MX1: variants seen among roughly 807,000 people sequenced by gnomAD.
The protein encoded by MX1 is MX dynamin like GTPase 1.
In MX1, 66 loss-of-function variants were observed where a neutral mutation model predicts 66.4. The ratio of observed to expected loss-of-function variants is 0.99; its 90% CI spans 0.82 to 1.22. The LOEUF (loss-of-function observed/expected upper bound fraction) is 1.22. Among genes scored for constraint, MX1 ranks in the 50% most tolerant of loss-of-function variants. The pLI, the probability that MX1 is intolerant of heterozygous loss-of-function variation, is 0.00. For synonymous variants in MX1, 311 were observed against 318.1 expected (o/e 0.98, Z 0.24); for missense variants, 787 against 834.3 (o/e 0.94, Z 0.70).
chr21:41,456,162 C>T (rs532204955), intron 16 of MX1, among the ~76,000 whole-genome samples: 8 of 152,202 alleles, frequency 5.3e-5, no homozygotes, highest in South Asian at 4.1e-4. Context: ...GAGAATTGCT[C>T]GAACCTGGGA....
Position 41,451,231 on chromosome 21 carries a change from CA to C in MX1, c.1498del (p.Arg500GlufsTer21), listed in dbSNP as rs1015386861. The C allele has an allele frequency of 6.2e-7, 1 of 1,606,792 alleles. No individual in the cohort carries two copies. The highest frequency in any genetic ancestry group is 8.5e-7 in the Non-Finnish European group (1 of 1,174,936). Reference protein sequence around the residue: ...KNFEEFFNLHRTAKSKIEDIR... With the variant: ...KNFEEFFNLHXTAKSKIEDIR... ...ATTTTGAAGAGTTTTTTAACCTCCA[CA>C]GAACCGCCAAGGTAAAACCAACCAT... is the stretch of plus-strand genomic sequence containing the variant. On this transcript the variant is annotated frameshift_variant, in exon 15 of 17. Transcript: ENST00000398598. LOFTEE classifies it high-confidence loss of function.
intron 13 of MX1, among the ~76,000 whole-genome samples, chr21:41,448,036 T>C (rs2090713423): frequency 6.6e-6 from 1 of 152,222 alleles, no homozygotes. Context: ...GCCTGAACCA[T>C]ATATTTTTAA....
intron 14 of MX1, 101 bp downstream of exon 14, chr21:41,449,396 C>A: frequency 8.2e-7 from 1 of 1,221,264 alleles, no homozygotes; most frequent in African/African-American, 1.5e-5. Context: ...TGGGGTGCAT[C>A]CCACACCAAC....
chr21:41,428,344 A>G (rs1223046542), intron 3 of MX1: 1 of 151,942 alleles, frequency 6.6e-6, no homozygotes, highest in Non-Finnish European at 1.5e-5. Flanking sequence ...ATTCACACAC[A>G]CAATTGAGCA....
At chr21:41,442,006 AGTGT>A (rs10693544) in intron 10 of MX1, 92 bp downstream of exon 10, 158 of 908,862 alleles carry the variant, frequency 1.7e-4, no homozygotes, top group African/African-American at 9.2e-4. Context: ...AGATGTGTGG[AGTGT>A]GTGTGTGTGT....
chr21:41,441,641 G>T lies in MX1; in HGVS notation c.731-75G>T. 6.7e-7 allele frequency: 1 copy of T among 1,488,210 alleles called. No individual in the cohort carries two copies. Among genetic ancestry groups the T allele is most frequent in the Non-Finnish European group, 9.4e-7 (1 of 1,067,362 alleles). The allele number at this position is 1,488,210 out of a possible 1,614,324, so 92.2% of individuals were successfully genotyped here. A position where few individuals can be genotyped will look rare whatever the true frequency, so the allele number is the denominator to read the frequency against. ...ATGGGAGGAAACCCTGGGAGGCCGG[G>T]GGCGTGAGCAGTTGTTCGTTCACCT... On this transcript the variant is annotated intron_variant, in intron 9 of 16. Coordinates refer to ENST00000398598, the MANE Select transcript of MX1 (RefSeq NM_002462.5). This position sits in a 1 kb window ranked among gnomAD's most constrained non-coding sequence, Gnocchi z 4.0.
At position 41,447,865 on chromosome 21, in the gene MX1, C is replaced by G. The variant is rs933769161; in HGVS notation, c.1274-1272C>G. ...ATTCTCCTGCTTCAGCCTCCACCTC[C>G]CTAGTAGCTGGGATTATAGGCACCT... is the stretch of plus-strand genomic sequence containing the variant. On this transcript the variant is annotated intron_variant, in intron 13 of 16. Coordinates refer to ENST00000398598, the MANE Select transcript of MX1 (RefSeq NM_002462.5). Among the ~76,000 whole-genome samples the G allele has an allele frequency of 7.9e-5, 12 of 152,208 alleles. No homozygotes were observed. In the South Asian group the frequency reaches 8.3e-4, roughly 11 times the overall value.
chr21:41,438,851 T>C (rs2090431579), intron 7 of MX1, among the ~76,000 whole-genome samples: 1 of 152,208 alleles, frequency 6.6e-6, no homozygotes, highest in Non-Finnish European at 1.5e-5. Flanking sequence ...CCAAGATTTA[T>C]TCTTCTCCCA....
At chr21:41,436,180 A>G in intron 6 of MX1, 151 bp downstream of exon 6, 1 of 923,886 alleles carries the variant, frequency 1.1e-6, no homozygotes, top group Non-Finnish European at 1.6e-6. Flanking sequence ...GCCTTTCTCC[A>G]TGGCTTGCAG....
chr21:41,441,259 G>T lies in MX1; in HGVS notation c.730+234G>T. 1 of 563,252 alleles carries T rather than the reference G, an allele frequency of 1.8e-6. No homozygotes were observed. Among genetic ancestry groups the T allele is most frequent in the Non-Finnish European group, 3.0e-6 (1 of 328,848 alleles). 34.9% of individuals were successfully genotyped at this position (563,252 alleles called of 1,614,324 possible). On this transcript the variant is annotated intron_variant, in intron 9 of 16. Transcript: ENST00000398598. This position sits in a 1 kb window ranked among gnomAD's most constrained non-coding sequence, Gnocchi z 4.0. ...TCCACTAAGACCTGCTAAGGGAGCA[G>T]GTTTGGTGCCCACCAAGGCCAAGTG...
At position 41,440,914 on chromosome 21, in the gene MX1, C is replaced by G. The variant is rs952842656; in HGVS notation, c.619C>G (p.Gln207Glu). 6.2e-7 allele frequency: 1 copy of G among 1,614,220 alleles called. No homozygotes were observed. Among genetic ancestry groups the G allele is most frequent in the African/African-American group, 1.3e-5 (1 of 75,064 alleles). Reference sequence around the variant, plus strand: ...CAAGACACTCATCAAGAAGTACATCCAGAGGCAGGAGACAATCAGCCTGGT... The same window carrying G: ...CAAGACACTCATCAAGAAGTACATCGAGAGGCAGGAGACAATCAGCCTGGT... ...KIKTLIKKYI[Q>E]RQETISLVVV... The change falls in exon 9 of 17, where the codon CAG becomes GAG. Residue 207 changes from glutamine to glutamate, a missense_variant. By Grantham distance (29) the Gln-to-Glu change is conservative. Transcript: ENST00000398598.
At chr21:41,437,468 G>A (rs752992636) in intron 7 of MX1, among the ~76,000 whole-genome samples, 17 of 132,406 alleles carry the variant, frequency 1.3e-4, no homozygotes, top group Admixed American at 4.4e-4. Context: ...GTGAGACCCC[G>A]TCTCTTAAAA....
chr21:41,425,305 G>C (rs377261818), upstream of MX1, among the ~76,000 whole-genome samples: 4 of 152,324 alleles, frequency 2.6e-5, no homozygotes, highest in African/African-American at 9.6e-5. Context: ...CAGTCAAAGG[G>C]GGTTGTTCTC....
At position 41,448,244 on chromosome 21, in the gene MX1, G is replaced by A. The variant is rs370324648; in HGVS notation, c.1274-893G>A. ...TTCCAAAAGTTTAAAGAAAAATGCA[G>A]CATCTTACACAGTGAACAGTGCTAC... On this transcript the variant is annotated intron_variant, in intron 13 of 16. Coordinates refer to ENST00000398598, the MANE Select transcript of MX1 (RefSeq NM_002462.5). Among the ~76,000 whole-genome samples, 11 of 152,278 alleles carry A rather than the reference G, an allele frequency of 7.2e-5. No homozygotes were observed. In the East Asian group the frequency reaches 1.2e-3, roughly 16 times the overall value.
upstream of MX1, among the ~76,000 whole-genome samples, chr21:41,424,671 A>C (rs1183652015): frequency 6.6e-6 from 1 of 152,180 alleles, no homozygotes; most frequent in East Asian, 1.9e-4. Flanking sequence ...GGGAGCTCCC[A>C]AAGGGAGGAC....
At position 41,441,990 on chromosome 21, in the gene MX1, TC is replaced by T. The variant is rs1203556435; in HGVS notation, c.929+79del. 1.1e-5 allele frequency: 16 copies of T among 1,461,308 alleles called. No homozygotes were observed. The East Asian group carries it at 3.4e-4, about 31-fold the overall frequency. The allele number at this position is 1,461,308 out of a possible 1,614,324, so 90.5% of individuals were successfully genotyped here. A position where few individuals can be genotyped will look rare whatever the true frequency, so the allele number is the denominator to read the frequency against. ...GCCTTCCAGGGGACAGTGGCAGCCG[TC>T]CCACAGATGTGTGGAGTGTGTGTGT... On this transcript the variant is annotated intron_variant, in intron 10 of 16. Transcript: ENST00000398598. This position sits in a 1 kb window ranked among gnomAD's most constrained non-coding sequence, Gnocchi z 4.0.
chr21:41,441,873 G>A lies in MX1; in HGVS notation c.888G>A (p.Leu296=). The A allele has an allele frequency of 1.2e-6, 2 of 1,614,200 alleles. No individual in the cohort carries two copies. Among genetic ancestry groups the A allele is most frequent in the South Asian group, 2.2e-5 (2 of 91,086 alleles). The change falls in exon 10 of 17, where the codon CTG becomes CTA. Residue 296 remains leucine (L), a synonymous_variant. Transcript: ENST00000398598. The surrounding 1 kb of genome is among the most constrained non-coding windows in gnomAD (Gnocchi z 4.0). Reference sequence around the variant, plus strand: ...ACCAGCTGAGCCTGTCCGAAGCCCTGCAGAGAGAGAAGATCTTCTTTGAGA... The same window carrying A: ...ACCAGCTGAGCCTGTCCGAAGCCCTACAGAGAGAGAAGATCTTCTTTGAGA... ...IQDQLSLSEA[L]QREKIFFENH...
At chr21:41,443,930 C>A in intron 11 of MX1, 64 bp downstream of exon 11, 1 of 1,476,064 alleles carries the variant, frequency 6.8e-7, no homozygotes, top group Non-Finnish European at 9.5e-7. Flanking sequence ...CTGAACCTTG[C>A]TGGCTTCTTA....
chr21:41,452,569 C>T (rs1006756757), intron 15 of MX1, 52 bp from the exon 16 acceptor site: 2 of 1,554,436 alleles, frequency 1.3e-6, no homozygotes, highest in African/African-American at 1.4e-5. Flanking sequence ...TTTCCTGTGA[C>T]TCAGGAATTT....
Sources: allele counts gnomAD v4.1 joint callset (sites outside exome capture counted in the v4.1 genomes callset), GRCh38; gene constraint gnomAD v4.1.1; non-coding constraint Gnocchi (gnomAD v3.1); transcripts MANE v1.5; gene names NCBI Gene and HGNC (gene_info 2026-07-23, HGNC 2026-07-21).